Variants in ANKRD17 observed in about 807,000 individuals in gnomAD.
ANKRD17 encodes ankyrin repeat domain 17.
In ANKRD17, 19 loss-of-function variants were observed where a neutral mutation model predicts 229.7. The ratio of observed to expected loss-of-function variants is 0.08; its 90% CI spans 0.06 to 0.12. The LOEUF (loss-of-function observed/expected upper bound fraction) is 0.12, where lower values mean the gene tolerates loss of function less well. Ranked by LOEUF, ANKRD17 falls within the 10% of genes least tolerant of loss-of-function variation. The probability of loss-of-function intolerance (pLI) is 1.00; values close to 1 mark genes in which losing one functional copy is unlikely to be tolerated. For synonymous variants in ANKRD17, 1,112 were observed against 1,146.1 expected, an observed-to-expected ratio of 0.97 and a Z score of 0.60; for missense variants, 2,176 against 3,176.8, an observed-to-expected ratio of 0.68 and a Z score of 7.57.
At chr4:73,225,582 G>A (rs755356842) in intron 1 of ANKRD17, among the ~76,000 whole-genome samples, 2 of 152,090 alleles carry the variant, frequency 1.3e-5, no homozygotes, top group Admixed American at 6.5e-5. Context: ...GGCCAGGCGC[G>A]GTGGCTCATG....
chr4:73,176,330 G>A (rs1010090506), intron 2 of ANKRD17, among the ~76,000 whole-genome samples: 9 of 152,090 alleles, frequency 5.9e-5, no homozygotes, highest in African/African-American at 1.7e-4. Context: ...GGAGATAAGG[G>A]AATCCTCATA....
Position 73,118,781 on chromosome 4 carries a change from G to A in ANKRD17, c.4095C>T (p.His1365=). ...GCACCAGTAACTGAACCACATCGAG[G>A]TGTCCACCATTTGCTGCTAGCCACA... The part of the protein sequence containing the change: ...TPLWLAANGG[H]LDVVQLLVQA... The change falls in exon 22 of 34, where the codon CAC becomes CAT. Residue 1365 remains histidine, a synonymous_variant. Transcript: ENST00000358602. The A allele has an allele frequency of 1.2e-6, 2 of 1,613,774 alleles. No homozygotes were observed. The highest frequency in any genetic ancestry group is 2.2e-5 in the East Asian group (1 of 44,858).
chr4:73,106,867 G>C (rs1055128756), intron 24 of ANKRD17, among the ~76,000 whole-genome samples: 20 of 109,272 alleles, frequency 1.8e-4, no homozygotes, highest in Non-Finnish European at 3.1e-4. Flanking sequence ...AATGGAGTGA[G>C]ACTCCGTCTT....
intron 2 of ANKRD17, among the ~76,000 whole-genome samples, chr4:73,173,481 G>A (rs140232815): frequency 1.3e-5 from 2 of 152,250 alleles, no homozygotes; most frequent in African/African-American, 4.8e-5. Flanking sequence ...CCACTTGGAT[G>A]GGCAGAATAG....
chr4:73,179,518 A>ATATATATATATATTTTT (rs1192164276), intron 1 of ANKRD17, among the ~76,000 whole-genome samples: 4 of 40,784 alleles, frequency 9.8e-5, no homozygotes, highest in African/African-American at 1.8e-4. Context: ...ATATATATAT[A>ATATATATATATATTTTT]TTTTTTTTTT....
At chr4:73,241,517 T>G in intron 1 of ANKRD17, among the ~76,000 whole-genome samples, 1 of 152,202 alleles carries the variant, frequency 6.6e-6, no homozygotes, top group Non-Finnish European at 1.5e-5. Flanking sequence ...AAGAGGTATG[T>G]ACTAAATTAC....
At chr4:73,094,664 CATATATGTATATATAGACAT>C (rs902138184) in intron 27 of ANKRD17, among the ~76,000 whole-genome samples, 2 of 149,990 alleles carry the variant, frequency 1.3e-5, no homozygotes, top group Non-Finnish European at 3.0e-5. Context: ...ATTATATATA[CATATATGTATATATAGACAT>C]ATATATGTAT....
chr4:73,157,932 AC>A (rs954708944), intron 3 of ANKRD17, among the ~76,000 whole-genome samples: 1 of 150,590 alleles, frequency 6.6e-6, no homozygotes, highest in African/African-American at 2.5e-5. Flanking sequence ...TACTAAAAAT[AC>A]AAAAAAAAAT....
chr4:73,152,430 C>G (rs901579082), intron 6 of ANKRD17, among the ~76,000 whole-genome samples: 2 of 152,100 alleles, frequency 1.3e-5, no homozygotes, highest in African/African-American at 4.8e-5. Context: ...CCTGACTTGT[C>G]TCTCTTCCCT....
intron 13 of ANKRD17, 61 bp from the exon 14 acceptor site, chr4:73,141,904 CTAAA>C: frequency 8.2e-7 from 1 of 1,216,636 alleles, no homozygotes; most frequent in Non-Finnish European, 1.1e-6. Flanking sequence ...GTAATATGCT[CTAAA>C]TAAAGAATAA....
At chr4:73,101,180 A>C (rs1176004885) in intron 25 of ANKRD17, 4 of 956,678 alleles carry the variant, frequency 4.2e-6, no homozygotes, top group Non-Finnish European at 5.0e-6. Flanking sequence ...TCCCCTGTGG[A>C]TATAAAGGGA....
At chr4:73,140,333 T>C in intron 14 of ANKRD17, 50 bp from the exon 15 acceptor site, 1 of 1,520,002 alleles carries the variant, frequency 6.6e-7, no homozygotes, top group Non-Finnish European at 8.7e-7. Flanking sequence ...GGCATCCTCA[T>C]TACAGAGTTA....
chr4:73,252,046 C>T (rs1745078597), intron 1 of ANKRD17, among the ~76,000 whole-genome samples: 1 of 152,206 alleles, frequency 6.6e-6, no homozygotes, highest in African/African-American at 2.4e-5. Flanking sequence ...AGTTCTGTTA[C>T]CTCAAGACTT....
intron 1 of ANKRD17, among the ~76,000 whole-genome samples, chr4:73,242,595 A>G (rs190600416): frequency 3.3e-4 from 50 of 152,346 alleles, no homozygotes; most frequent in Non-Finnish European, 5.4e-4. Flanking sequence ...ACAAAAGATG[A>G]TTCTAAAGCA....
chr4:73,095,232 C>A (rs1239600432), intron 27 of ANKRD17, among the ~76,000 whole-genome samples: 4 of 152,010 alleles, frequency 2.6e-5, no homozygotes, highest in Non-Finnish European at 5.9e-5. Context: ...ATTAAAATGA[C>A]CATCCACAAA....
intron 1 of ANKRD17, among the ~76,000 whole-genome samples, chr4:73,229,846 T>C (rs1262241843): frequency 6.6e-6 from 1 of 152,092 alleles, no homozygotes; most frequent in African/African-American, 2.4e-5. Context: ...TGGGAAATAT[T>C]TGGGTATATT....
intron 1 of ANKRD17, among the ~76,000 whole-genome samples, chr4:73,195,667 C>T (rs1376739453): frequency 7.2e-5 from 11 of 152,050 alleles, no homozygotes; most frequent in Admixed American, 7.2e-4. Flanking sequence ...TACCACCACA[C>T]CCAGCTAATT....
chr4:73,144,669 C>G, intron 11 of ANKRD17, 76 bp downstream of exon 11: 1 of 990,940 alleles, frequency 1.0e-6, no homozygotes. Context: ...TTCAAAAGAC[C>G]TTTACCCTTA....
intron 16 of ANKRD17, among the ~76,000 whole-genome samples, chr4:73,130,921 T>C (rs1185701122): frequency 6.6e-6 from 1 of 152,138 alleles, no homozygotes; most frequent in Non-Finnish European, 1.5e-5. Context: ...TTTTAAAAAA[T>C]CTCTACATAA....
Sources: gnomAD v4.1 joint callset for allele counts (sites outside exome capture counted in the v4.1 genomes callset) on GRCh38, gnomAD v4.1.1 for gene constraint, MANE v1.5 for transcripts, NCBI Gene and HGNC (gene_info 2026-07-23, HGNC 2026-07-21) for gene names.